PSMA8: variants seen among roughly 807,000 people sequenced by gnomAD.
PSMA8 encodes proteasome 20S subunit alpha 8, also known as proteasome subunit alpha-type 8.
PSMA8 carries 18 observed loss-of-function variants against 32.4 expected under a neutral mutation model. The observed-to-expected ratio is 0.56, with a 90% CI of 0.38 to 0.82. PSMA8 has a LOEUF of 0.82. Among genes scored for constraint, PSMA8 ranks in the 40% least tolerant of loss-of-function variants. The pLI is 0.00. For missense variants in PSMA8, 298 were observed against 300.7 expected (o/e 0.99, Z 0.07); for synonymous variants, 104 against 98.1 (o/e 1.06, Z -0.36).
intron 4 of PSMA8, chr18:26,171,080 C>T: frequency 6.4e-7 from 1 of 1,559,222 alleles, no homozygotes; most frequent in Non-Finnish European, 8.5e-7. Context: ...TAATTCTACC[C>T]TTTAAAGGTC....
rs1468437177 is a variant in PSMA8, at chr18:26,192,183, T to C, written c.661-136T>C. 7.9e-6 allele frequency: 6 copies of C among 762,584 alleles called. No individual in the cohort carries two copies. In the African/African-American group the frequency reaches 9.3e-5, roughly 12 times the overall value. The allele number at this position is 762,584 out of a possible 1,614,324, so 47.2% of individuals were successfully genotyped here. A position where few individuals can be genotyped will look rare whatever the true frequency, so the allele number is the denominator to read the frequency against. On this transcript the variant is annotated intron_variant, in intron 6 of 6. Transcript: ENST00000415576. ...CTCTTAGACCTCTTGAAATGCTTCA[T>C]TGTATATTTGAAGTTACAAAATATA...
intron 1 of PSMA8, among the ~76,000 whole-genome samples, chr18:26,141,713 C>CTTT (rs1011733993): frequency 1.7e-4 from 19 of 109,992 alleles, no homozygotes; most frequent in East Asian, 2.6e-4. Flanking sequence ...TTTCTTTTTT[C>CTTT]TTTTTTTTTT....
At chr18:26,134,256 AAGTT>A (rs1229541474) in intron 1 of PSMA8, among the ~76,000 whole-genome samples, 189 bp downstream of exon 1, 3 of 151,840 alleles carry the variant, frequency 2.0e-5, no homozygotes, top group South Asian at 2.1e-4. Flanking sequence ...GGCAGAGTAA[AAGTT>A]AGTAGATTTC....
At chr18:26,181,188 A>G (rs1354210425) in intron 6 of PSMA8, among the ~76,000 whole-genome samples, 1 of 152,088 alleles carries the variant, frequency 6.6e-6, no homozygotes, top group Non-Finnish European at 1.5e-5. Flanking sequence ...CTTTTTCATT[A>G]TTATTATTAT....
intron 3 of PSMA8, among the ~76,000 whole-genome samples, chr18:26,156,616 G>A (rs945904795): frequency 7.3e-5 from 11 of 150,254 alleles, no homozygotes; most frequent in Admixed American, 2.7e-4. Flanking sequence ...AGTTGTGTTT[G>A]TAGAAATAGA....
chr18:26,169,325 G>A lies in PSMA8; in HGVS notation c.478-9505G>A, dbSNP rs796079324. On this transcript the variant is annotated intron_variant, in intron 4 of 6. Transcript: ENST00000415576. Reference sequence around the variant, plus strand: ...ATTTCTCAAAGGCATCTGAAACTCCGTGGGCCCAAAACCAAAGTCAAACTC... The same window carrying A: ...ATTTCTCAAAGGCATCTGAAACTCCATGGGCCCAAAACCAAAGTCAAACTC... Among the ~76,000 whole-genome samples, 5 of 134,196 alleles carry A rather than the reference G, an allele frequency of 3.7e-5. 2 individuals carry two copies. The highest frequency in any genetic ancestry group is 7.5e-5 in the African/African-American group (2 of 26,616). 88.0% of individuals were successfully genotyped at this position (134,196 alleles called of 152,430 possible). A position where few individuals can be genotyped will look rare whatever the true frequency, so the allele number is the denominator to read the frequency against.
In PSMA8 at chr18:26,140,295, A is replaced by G. The variant is rs138104251; in HGVS notation, c.103-4264A>G. Among the ~76,000 whole-genome samples, 776 of 152,308 alleles carry G rather than the reference A, an allele frequency of 5.1e-3. 5 individuals carry two copies. Among genetic ancestry groups the G allele is most frequent in the African/African-American group, 0.018 (731 of 41,568 alleles). ...CAGGGCTCACTGGGGTGGGCCTGGA[A>G]CCTGAGTCCACAGGAGCAGACCTGG... On this transcript the variant is annotated intron_variant, in intron 1 of 6. Coordinates refer to ENST00000415576, the MANE Select transcript of PSMA8 (RefSeq NM_001025096.2).
intron 1 of PSMA8, among the ~76,000 whole-genome samples, chr18:26,134,387 G>GTA (rs2054894094): frequency 6.7e-6 from 1 of 149,526 alleles, no homozygotes; most frequent in African/African-American, 2.5e-5. Context: ...GTGTGTGTGT[G>GTA]TAGGGACGTT....
chr18:26,142,673 A>G (rs1235492932), intron 1 of PSMA8, among the ~76,000 whole-genome samples: 1 of 152,152 alleles, frequency 6.6e-6, no homozygotes, highest in Non-Finnish European at 1.5e-5. Context: ...TCACAATTCT[A>G]AAGACTGGGA....
intron 2 of PSMA8, among the ~76,000 whole-genome samples, chr18:26,145,420 T>C (rs1664538306): frequency 6.6e-6 from 1 of 152,146 alleles, no homozygotes. Flanking sequence ...GCCCGGCCTC[T>C]GTGTGCAGTT....
intron 3 of PSMA8, among the ~76,000 whole-genome samples, chr18:26,156,911 C>A (rs1457630680): frequency 6.6e-6 from 1 of 150,834 alleles, no homozygotes; most frequent in Non-Finnish European, 1.5e-5. Flanking sequence ...CTCAGCCTCC[C>A]CAGTAGCTGG....
chr18:26,183,173 C>T, intron 6 of PSMA8, among the ~76,000 whole-genome samples: 1 of 150,086 alleles, frequency 6.7e-6, no homozygotes, highest in East Asian at 2.0e-4. Flanking sequence ...GGGTGGATTG[C>T]TTGAGGTCAG....
At chr18:26,144,178 AT>A (rs1438166193) in intron 1 of PSMA8, among the ~76,000 whole-genome samples, 2 of 152,172 alleles carry the variant, frequency 1.3e-5, no homozygotes, top group African/African-American at 4.8e-5. Flanking sequence ...GTTTATATTA[AT>A]TGGGGTGTGA....
intron 4 of PSMA8, among the ~76,000 whole-genome samples, chr18:26,163,513 G>C (rs1281721406): frequency 2.0e-5 from 3 of 152,092 alleles, no homozygotes; most frequent in Admixed American, 1.3e-4. Flanking sequence ...TTCTATGCTA[G>C]AGCATACAGG....
chr18:26,161,591 G>A (rs1317610866), intron 4 of PSMA8, among the ~76,000 whole-genome samples: 1 of 152,162 alleles, frequency 6.6e-6, no homozygotes, highest in Admixed American at 6.5e-5. Flanking sequence ...AAGCTATTCA[G>A]GTCAGCTAAA....
At chr18:26,139,952 T>G in intron 1 of PSMA8, 2 of 671,644 alleles carry the variant, frequency 3.0e-6, no homozygotes, top group South Asian at 3.3e-5. Context: ...CTCTGTACTC[T>G]TGTAGCTTAC....
At chr18:26,134,140 C>A in intron 1 of PSMA8, 73 bp downstream of exon 1, 1 of 1,070,898 alleles carries the variant, frequency 9.3e-7, no homozygotes, top group Non-Finnish European at 1.4e-6. Flanking sequence ...CTGCCCCAGC[C>A]CACCTTTCCA....
At chr18:26,176,551 G>C (rs1028633256) in intron 4 of PSMA8, among the ~76,000 whole-genome samples, 7 of 152,164 alleles carry the variant, frequency 4.6e-5, no homozygotes, top group African/African-American at 1.2e-4. Context: ...AACCAGAATA[G>C]TATATTGTTA....
At chr18:26,155,697 A>G (rs2055083272) in intron 3 of PSMA8, among the ~76,000 whole-genome samples, 1 of 152,180 alleles carries the variant, frequency 6.6e-6, no homozygotes, top group Non-Finnish European at 1.5e-5. Flanking sequence ...CTATAAATCT[A>G]CTAGAAGAAA....
Sources: gnomAD v4.1 joint callset for allele counts (sites outside exome capture counted in the v4.1 genomes callset) on GRCh38, gnomAD v4.1.1 for gene constraint, MANE v1.5 for transcripts, NCBI Gene and HGNC (gene_info 2026-07-23, HGNC 2026-07-21) for gene names.